The following NEK10 variants were observed in gnomAD, a reference collection of about 807,000 sequenced individuals.
The protein encoded by NEK10 is serine/threonine-protein kinase Nek10.
In NEK10, 122 loss-of-function variants were observed where a neutral mutation model predicts 159.8. That is an observed-to-expected ratio of 0.76 (90% CI 0.66 to 0.89). The LOEUF (loss-of-function observed/expected upper bound fraction) is 0.89. Ranked by LOEUF, NEK10 falls within the 40% of genes least tolerant of loss-of-function variation. The pLI is 0.00. For synonymous variants in NEK10, 466 were observed against 457.1 expected, an observed-to-expected ratio of 1.02 and a Z score of -0.25; for missense variants, 1,342 against 1,323.1, an observed-to-expected ratio of 1.01 and a Z score of -0.22.
intron 23 of NEK10, chr3:27,215,125 C>T (rs2149117993): frequency 2.5e-6 from 1 of 394,310 alleles, no homozygotes; most frequent in East Asian, 4.7e-5. Flanking sequence ...TTGAAAACTT[C>T]CATAGTTTCG....
chr3:27,290,651 T>C lies in NEK10; in HGVS notation c.1709A>G (p.Asn570Ser), dbSNP rs2042931817. 11 of 1,604,496 alleles carry C rather than the reference T, an allele frequency of 6.9e-6. No individual in the cohort carries two copies. The highest frequency in any genetic ancestry group is 8.5e-6 in the Non-Finnish European group (10 of 1,174,890). ...AATTATTGTTAATTCAGAAACAATA[T>C]TCCTTACGCTGCTGTCTCGATCTTT... is the stretch of plus-strand genomic sequence containing the variant. ...DKKDRDSSVR[N>S]IVSELTIIKE... is the part of the protein sequence containing the mutation. Residue 570 changes from asparagine to serine, a missense_variant, in exon 19 of 36, where the codon AAT becomes AGT. By Grantham distance (46) the Asn-to-Ser change is conservative. Coordinates refer to ENST00000691995, the MANE Select transcript of NEK10 (RefSeq NM_001394966.1).
At chr3:27,141,788 C>T (rs1943810611) in intron 30 of NEK10, among the ~76,000 whole-genome samples, 1 of 152,130 alleles carries the variant, frequency 6.6e-6, no homozygotes, top group African/African-American at 2.4e-5. Context: ...CTAAGTAACA[C>T]AATGATATTA....
intron 22 of NEK10, among the ~76,000 whole-genome samples, chr3:27,273,915 A>C (rs1052127339): frequency 1.3e-4 from 20 of 148,700 alleles, no homozygotes; most frequent in Non-Finnish European, 2.4e-4. Flanking sequence ...GTTTTCCCTC[A>C]ACGAACCCCT....
chr3:27,149,345 A>C (rs938662154), intron 30 of NEK10, among the ~76,000 whole-genome samples: 1 of 152,122 alleles, frequency 6.6e-6, no homozygotes, highest in African/African-American at 2.4e-5. Context: ...ATTATATTGC[A>C]CTTCAAAGAT....
intron 26 of NEK10, among the ~76,000 whole-genome samples, chr3:27,175,902 T>C (rs957724548): frequency 1.3e-5 from 2 of 152,222 alleles, no homozygotes; most frequent in Admixed American, 1.3e-4. Context: ...CTAGCACTTC[T>C]TGACTAAAAA....
At chr3:27,356,317 C>A (rs62257162) in intron 1 of NEK10, among the ~76,000 whole-genome samples, 33,973 of 151,972 alleles carry the variant, frequency 0.22, 4,293 homozygotes, top group Middle Eastern at 0.37. Context: ...TTTGAAACCA[C>A]CCTGGGCAAC....
At chr3:27,236,109 T>C (rs938009799) in intron 23 of NEK10, among the ~76,000 whole-genome samples, 6 of 151,914 alleles carry the variant, frequency 3.9e-5, no homozygotes, top group African/African-American at 1.2e-4. Context: ...TGAGAACACA[T>C]GGACTCATAG....
At chr3:27,149,717 A>C (rs1342086202) in intron 30 of NEK10, among the ~76,000 whole-genome samples, 2 of 152,190 alleles carry the variant, frequency 1.3e-5, no homozygotes, top group Non-Finnish European at 2.9e-5. Context: ...TACTGAGATT[A>C]AGCCAGTTAA....
At chr3:27,259,784 C>T (rs1375122437) in intron 22 of NEK10, among the ~76,000 whole-genome samples, 1 of 152,114 alleles carries the variant, frequency 6.6e-6, no homozygotes, top group Non-Finnish European at 1.5e-5. Flanking sequence ...ATGGGGATGG[C>T]ATTGAACCTA....
intron 5 of NEK10, among the ~76,000 whole-genome samples, chr3:27,334,443 G>A (rs2046651572): frequency 6.6e-6 from 1 of 152,178 alleles, no homozygotes; most frequent in South Asian, 2.1e-4. Flanking sequence ...AGACCCAACT[G>A]GACCTGCTAA....
At chr3:27,116,848 G>T (rs974280492) in intron 33 of NEK10, among the ~76,000 whole-genome samples, 1 of 151,788 alleles carries the variant, frequency 6.6e-6, no homozygotes, top group African/African-American at 2.4e-5. Context: ...GGATACATGA[G>T]CAGGATGTGC....
intron 16 of NEK10, among the ~76,000 whole-genome samples, chr3:27,292,904 C>G (rs149188290): frequency 9.5e-4 from 144 of 152,276 alleles, no homozygotes; most frequent in African/African-American, 3.4e-3. Flanking sequence ...AAGTGACGCT[C>G]CATGCTTTCT....
intron 6 of NEK10, among the ~76,000 whole-genome samples, chr3:27,321,851 C>G (rs1457370316): frequency 6.6e-6 from 1 of 152,182 alleles, no homozygotes; most frequent in African/African-American, 2.4e-5. Context: ...TGGCCTTGAA[C>G]ATGTTTGAAG....
At chr3:27,342,846 C>A (rs575182735) in intron 5 of NEK10, among the ~76,000 whole-genome samples, 1 of 152,062 alleles carries the variant, frequency 6.6e-6, no homozygotes, top group Non-Finnish European at 1.5e-5. Context: ...CCTAATACCA[C>A]CTTATGCATA....
At chr3:27,199,086 A>AG (rs1432216093) in intron 25 of NEK10, among the ~76,000 whole-genome samples, 2 of 140,590 alleles carry the variant, frequency 1.4e-5, no homozygotes, top group Non-Finnish European at 3.1e-5. Context: ...AAAAAAAAAA[A>AG]ACAAAAAAAG....
intron 1 of NEK10, among the ~76,000 whole-genome samples, chr3:27,360,820 G>A (rs2048632820): frequency 1.3e-5 from 2 of 152,150 alleles, no homozygotes; most frequent in Admixed American, 6.6e-5. Flanking sequence ...GGAGTGTGTC[G>A]TCAGCTAAGG....
intron 22 of NEK10, among the ~76,000 whole-genome samples, chr3:27,265,243 T>C (rs886551657): frequency 2.6e-5 from 4 of 152,338 alleles, no homozygotes; most frequent in East Asian, 1.9e-4. Flanking sequence ...AAGTACAATA[T>C]GTGCATATGA....
chr3:27,352,890 C>T lies in NEK10; in HGVS notation c.-8G>A. ...TTTATCTTGATCAGGCATTGTAAAA[C>T]ATCAATGCCCCAGAATTAACATCGC... is the stretch of plus-strand genomic sequence containing the variant. On this transcript the variant is annotated 5_prime_UTR_variant, in exon 2 of 36. It removes an upstream start codon present in the reference 5' UTR. Coordinates refer to ENST00000691995, the MANE Select transcript of NEK10 (RefSeq NM_001394966.1). 4 of 1,589,794 alleles carry T rather than the reference C, an allele frequency of 2.5e-6. No individual in the cohort carries two copies. Among genetic ancestry groups the T allele is most frequent in the Non-Finnish European group, 2.6e-6 (3 of 1,159,186 alleles).
At position 27,165,547 on chromosome 3, in the gene NEK10, T is replaced by C. The variant is rs183546550; in HGVS notation, c.2832-2809A>G. Among the ~76,000 whole-genome samples the C allele has an allele frequency of 3.9e-5, 6 of 152,320 alleles. No individual in the cohort carries two copies. In the East Asian group the frequency reaches 7.7e-4, roughly 20 times the overall value. On this transcript the variant is annotated intron_variant, in intron 29 of 35. Coordinates refer to ENST00000691995, the MANE Select transcript of NEK10 (RefSeq NM_001394966.1). ...TGAAGAGGCTTAACATATTACTGTT[T>C]GTGTTCTCTGAAAATTTTGAAATGG...
Sources: gnomAD v4.1 joint callset for allele counts (sites outside exome capture counted in the v4.1 genomes callset) on GRCh38, gnomAD v4.1.1 for gene constraint, MANE v1.5 for transcripts, NCBI Gene and HGNC (gene_info 2026-07-23, HGNC 2026-07-21) for gene names.